Variants in LRRC74A observed in about 807,000 individuals in gnomAD.
LRRC74A encodes the protein leucine-rich repeat-containing protein 74A.
LRRC74A carries 44 observed loss-of-function variants against 57.9 expected under a neutral mutation model. The observed-to-expected ratio is 0.76, with a 90% CI of 0.60 to 0.98. The LOEUF (loss-of-function observed/expected upper bound fraction) is 0.98. Among genes scored for constraint, LRRC74A ranks in the 50% least tolerant of loss-of-function variants. The pLI is 0.00. For missense variants in LRRC74A, 572 were observed against 574.0 expected (o/e 1.00, Z 0.04); for synonymous variants, 211 against 219.4 (o/e 0.96, Z 0.34).
intron 10 of LRRC74A, among the ~76,000 whole-genome samples, chr14:76,859,074 T>G (rs1898097324): frequency 6.6e-6 from 1 of 152,142 alleles, no homozygotes; most frequent in South Asian, 2.1e-4. Flanking sequence ...TTCCTTCCTT[T>G]CCCCATCCTC....
At chr14:76,860,611 G>A in intron 10 of LRRC74A, 82 bp from the exon 11 acceptor site, 1 of 1,334,810 alleles carries the variant, frequency 7.5e-7, no homozygotes, top group Non-Finnish European at 1.0e-6. Context: ...TTTGGCTTGG[G>A]TGGAAGGGGT....
At chr14:76,835,197 T>C (rs534905272) in intron 3 of LRRC74A, among the ~76,000 whole-genome samples, 2 of 152,230 alleles carry the variant, frequency 1.3e-5, no homozygotes, top group African/African-American at 4.8e-5. Context: ...TTGCCCCTCA[T>C]AGAAATGCAG....
intron 5 of LRRC74A, among the ~76,000 whole-genome samples, chr14:76,841,014 TAA>T (rs146134394): frequency 0.033 from 5,009 of 152,274 alleles, 177 homozygotes; most frequent in African/African-American, 0.092. Flanking sequence ...ATTTAATATA[TAA>T]GTTATAAAAT....
intron 11 of LRRC74A, among the ~76,000 whole-genome samples, chr14:76,863,408 C>T (rs547390124): frequency 2.6e-5 from 4 of 152,306 alleles, no homozygotes; most frequent in Admixed American, 2.6e-4. Flanking sequence ...TCAGCTCTCC[C>T]TTCACTGCAG....
chr14:76,831,364 A>T lies in LRRC74A; in HGVS notation c.328A>T (p.Ile110Leu), dbSNP rs764180869. 1 of 1,613,296 alleles carries T rather than the reference A, an allele frequency of 6.2e-7. No individual in the cohort carries two copies. Among genetic ancestry groups the T allele is most frequent in the Non-Finnish European group, 8.5e-7 (1 of 1,179,844 alleles). The change falls in exon 3 of 14, where the codon ATA becomes TTA. Residue 110 changes from isoleucine (I) to leucine (L), a missense_variant. Transcript: ENST00000689127. ...CCCCAGGGGTACCAAGGCTATTGCT[A>T]TAGCCCTGGTGGTGAGCATGCTAGT... ...LGPRGTKAIA[I>L]ALVSNMAVTK...
chr14:76,847,340 C>A (rs569265819), intron 7 of LRRC74A, among the ~76,000 whole-genome samples: 1 of 152,110 alleles, frequency 6.6e-6, no homozygotes, highest in Admixed American at 6.5e-5. Context: ...TGCATATACA[C>A]CACGGAATAC....
chr14:76,862,894 C>T (rs566627834), intron 11 of LRRC74A, among the ~76,000 whole-genome samples: 4 of 152,172 alleles, frequency 2.6e-5, no homozygotes, highest in African/African-American at 4.8e-5. Context: ...GCTCTGAGTT[C>T]GAGTTTGATT....
At chr14:76,831,702 A>G (rs1895987191) in intron 3 of LRRC74A, among the ~76,000 whole-genome samples, 1 of 152,184 alleles carries the variant, frequency 6.6e-6, no homozygotes, top group African/African-American at 2.4e-5. Flanking sequence ...TTATCAATGT[A>G]AGAGCACCAA....
rs1173142148 is a variant in LRRC74A at position 76,828,321 on chromosome 14, G to A, written c.68G>A (p.Ser23Asn). The A allele has an allele frequency of 2.7e-5, 43 of 1,608,798 alleles. No individual in the cohort carries two copies. Among genetic ancestry groups the A allele is most frequent in the Non-Finnish European group, 3.6e-5 (42 of 1,175,496 alleles). ...DEIEIEPVRQ[S>N]SDKMLYCEAE... The stretch of plus-strand genomic sequence containing the variant: ...ATTGAAATTGAGCCAGTACGACAGA[G>A]CAGCGATAAAATGCTCTACTGTGAG... Residue 23 changes from serine to asparagine, a missense_variant, in exon 2 of 14, where the codon AGC (serine) becomes AAC (asparagine). By Grantham distance (46) the Ser-to-Asn change is conservative (BLOSUM62 1). Transcript: ENST00000689127.
chr14:76,868,981 C>G (rs2140320323), intron 13 of LRRC74A, among the ~76,000 whole-genome samples: 1 of 152,370 alleles, frequency 6.6e-6, no homozygotes, highest in South Asian at 2.1e-4. Flanking sequence ...GGGACACTGG[C>G]ATCCAGCAAG....
chr14:76,865,328 T>C (rs1898692175), intron 11 of LRRC74A, among the ~76,000 whole-genome samples: 1 of 152,180 alleles, frequency 6.6e-6, no homozygotes, highest in Non-Finnish European at 1.5e-5. Flanking sequence ...CCTTTTCATA[T>C]TGGTGGATTT....
At position 76,844,419 on chromosome 14, in the gene LRRC74A, A is replaced by G; in HGVS notation, c.545-4A>G. ...GCATCACTGACACACCACCCTCACT[A>G]CAGGAAATGACTTCAAGGAAGACTC... On this transcript the variant is annotated splice_polypyrimidine_tract_variant and splice_region_variant and intron_variant, in intron 5 of 13. Coordinates refer to ENST00000689127, the MANE Select transcript of LRRC74A (RefSeq NM_001385106.1). 1.2e-6 allele frequency: 2 copies of G among 1,612,316 alleles called. No homozygotes were observed. The highest frequency in any genetic ancestry group is 1.7e-6 in the Non-Finnish European group (2 of 1,179,252).
At chr14:76,860,405 C>T (rs997406526) in intron 10 of LRRC74A, among the ~76,000 whole-genome samples, 1 of 152,218 alleles carries the variant, frequency 6.6e-6, no homozygotes, top group African/African-American at 2.4e-5. Flanking sequence ...AGCTGTAAAT[C>T]ATCTGTCAGA....
chr14:76,865,507 T>C (rs4903503), intron 11 of LRRC74A, among the ~76,000 whole-genome samples: 144,268 of 152,296 alleles, frequency 0.95, 68,598 homozygotes, highest in Non-Finnish European at 1. Flanking sequence ...AGAGCCAAAC[T>C]GTCACATTAT....
At chr14:76,828,486 A>G in intron 2 of LRRC74A, 67 bp downstream of exon 2, 4 of 1,605,778 alleles carry the variant, frequency 2.5e-6, no homozygotes, top group Non-Finnish European at 3.4e-6. Context: ...TCTGGTTTCC[A>G]GGAGCTGTCA....
In LRRC74A at chr14:76,853,232, C is replaced by G. The variant is rs371108341; in HGVS notation, c.779C>G (p.Thr260Arg). 1.1e-4 allele frequency: 179 copies of G among 1,612,746 alleles called. No homozygotes were observed. Among genetic ancestry groups the G allele is most frequent in the Non-Finnish European group, 1.4e-4 (170 of 1,178,920 alleles). ...CNGLRGNVTLTKLDLSMNGFG... is the reference protein window; with the variant it reads ...CNGLRGNVTLRKLDLSMNGFG... Reference sequence around the variant, plus strand: ...TTCCTGGAGGGTAATGTGACCCTGACAAAGCTGGATCTCTCCATGAATGGC... The same window carrying G: ...TTCCTGGAGGGTAATGTGACCCTGAGAAAGCTGGATCTCTCCATGAATGGC... The change falls in exon 9 of 14, where the codon ACA becomes AGA. Residue 260 changes from threonine to arginine, a missense_variant. Transcript: ENST00000689127.
At position 76,845,747 on chromosome 14, in the gene LRRC74A, G is replaced by T. The variant is rs142202886; in HGVS notation, c.676+846G>T. ...TTAAAAGACAAGCAACAGGCTGGGC[G>T]TGGTGGCTTACGCCTGTAGTCCCAG... On this transcript the variant is annotated intron_variant, in intron 7 of 13. Coordinates refer to ENST00000689127, the MANE Select transcript of LRRC74A (RefSeq NM_001385106.1). Among the ~76,000 whole-genome samples the T allele has an allele frequency of 1.8e-4, 28 of 152,352 alleles. No individual in the cohort carries two copies. In the East Asian group the frequency reaches 5.4e-3, roughly 29 times the overall value.
intron 9 of LRRC74A, among the ~76,000 whole-genome samples, chr14:76,855,592 C>T (rs73305829): frequency 3.6e-4 from 55 of 152,302 alleles, no homozygotes; most frequent in African/African-American, 1.2e-3. Flanking sequence ...CTATGGGTCT[C>T]CACATCCAGC....
chr14:76,860,627 G>A, intron 10 of LRRC74A, 66 bp from the exon 11 acceptor site: 2 of 1,447,858 alleles, frequency 1.4e-6, no homozygotes, highest in Non-Finnish European at 1.9e-6. Flanking sequence ...GGGGTAGGGT[G>A]CACTGGTTGG....
Sources: allele counts gnomAD v4.1 joint callset (sites outside exome capture counted in the v4.1 genomes callset), GRCh38; gene constraint gnomAD v4.1.1; transcripts MANE v1.5; gene names NCBI Gene and HGNC (gene_info 2026-07-23, HGNC 2026-07-21).